The following CTAGE1 variants were observed in gnomAD, a reference collection of about 807,000 sequenced individuals.
CTAGE1 encodes the protein cutaneous T cell lymphoma-associated antigen 1, also known as cTAGE family member 2.
For missense variants in CTAGE1, 963 were observed against 855.9 expected (o/e 1.13, Z -1.56); for synonymous variants, 332 against 302.8 (o/e 1.10, Z -1.00).
Position 22,417,040 on chromosome 18 carries a change from C to G in CTAGE1, c.772G>C (p.Asp258His), listed in dbSNP as rs2143794188. The change falls in exon 1 of 1, where the codon GAT (aspartate) becomes CAT (histidine). Residue 258 changes from aspartate to histidine, a missense_variant. Asp to His is a moderately conservative substitution (Grantham distance 81). Transcript: ENST00000391403. ...TTCATTTCTAATTCCAAGTTATCATCATCCGTTACATCTTCTTCAAGCATA... is the reference window on the plus strand; with the variant it reads ...TTCATTTCTAATTCCAAGTTATCATGATCCGTTACATCTTCTTCAAGCATA... ...VAMLEEDVTD[D>H]DNLELEMNSE... 6.2e-7 allele frequency: 1 copy of G among 1,613,958 alleles called. No homozygotes were observed. Among genetic ancestry groups the G allele is most frequent in the Admixed American group, 1.7e-5 (1 of 60,014 alleles).
In CTAGE1 at chr18:22,417,004, C is replaced by T. The variant is rs763362856; in HGVS notation, c.808G>A (p.Glu270Lys). 4 of 1,614,034 alleles carry T rather than the reference C, an allele frequency of 2.5e-6. No homozygotes were observed. In the South Asian group the frequency reaches 4.4e-5, roughly 18 times the overall value. Reference sequence around the variant, plus strand: ...GGATTATCTAAGTAAGCACCATCTTCCGATTCACTGTTCATTTCTAATTCC... The same window carrying T: ...GGATTATCTAAGTAAGCACCATCTTTCGATTCACTGTTCATTTCTAATTCC... Reference protein sequence around the residue: ...NLELEMNSESEDGAYLDNPPK... With the variant: ...NLELEMNSESKDGAYLDNPPK... Residue 270 changes from glutamate (E) to lysine (K), a missense_variant, in exon 1 of 1, where the codon GAA (glutamate) becomes AAA (lysine). Transcript: ENST00000391403.
In CTAGE1 at chr18:22,416,189, T is replaced by C; in HGVS notation, c.1623A>G (p.Lys541=). The C allele has an allele frequency of 1.2e-6, 2 of 1,613,962 alleles. No homozygotes were observed. Among genetic ancestry groups the C allele is most frequent in the Non-Finnish European group, 1.7e-6 (2 of 1,179,866 alleles). ...PGNPPDHQIT[K]ERGESSCDRL... is the part of the protein sequence containing the mutation. ...TATCACAGCTTGATTCTCCTCTTTCTTTGGTAATCTGATGGTCCGGAGGAT... is the reference window on the plus strand; with the variant it reads ...TATCACAGCTTGATTCTCCTCTTTCCTTGGTAATCTGATGGTCCGGAGGAT... Residue 541 remains lysine, a synonymous_variant, in exon 1 of 1, where the codon AAA becomes AAG. Transcript: ENST00000391403.
chr18:22,415,764 C>T lies in CTAGE1; in HGVS notation c.2048G>A (p.Arg683Lys). The T allele has an allele frequency of 1.9e-6, 3 of 1,613,928 alleles. No homozygotes were observed. In the South Asian group the frequency reaches 3.3e-5, roughly 18 times the overall value. The change falls in exon 1 of 1, where the codon AGA becomes AAA. Residue 683 changes from arginine to lysine, a missense_variant. Transcript: ENST00000391403. The stretch of plus-strand genomic sequence containing the variant: ...AGGTGGGGGGAAAGGAGGTCCTCTT[C>T]TTATGAACGGGCCCCTTGTATCTAC... The part of the protein sequence containing the change: ...FPVDTRGPFI[R>K]RGPPFPPPPP...
rs1217066599 is a variant in CTAGE1, at chr18:22,413,816, C to A, written c.*1758G>T. 1 of 152,088 alleles carries A rather than the reference C, an allele frequency of 6.6e-6. No homozygotes were observed. Among genetic ancestry groups the A allele is most frequent in the East Asian group, 1.9e-4 (1 of 5,186 alleles). 9.4% of individuals were successfully genotyped at this position (152,088 alleles called of 1,614,324 possible). ...AAGTAGACACAAAGAGATGACAATA[C>A]CTGTTTCATACTGAACCTAATGAAA... On this transcript the variant is annotated 3_prime_UTR_variant, in exon 1 of 1. Transcript: ENST00000391403.
rs1429007980 is a variant in CTAGE1, at chr18:22,417,295, G to GT, written c.516dup (p.Arg173ThrfsTer15). On this transcript the variant is annotated frameshift_variant, in exon 1 of 1. Coordinates refer to ENST00000391403, the MANE Select transcript of CTAGE1 (RefSeq NM_172241.3). LOFTEE classifies it low-confidence loss of function (END_TRUNC). ...GCATCTTGTATTTCTATCTCCAACC[G>GT]TTCTTCATTCGCTTGAAATCTCTTG... 1 of 1,613,702 alleles carries GT rather than the reference G, an allele frequency of 6.2e-7. No homozygotes were observed. Among genetic ancestry groups the GT allele is most frequent in the Non-Finnish European group, 8.5e-7 (1 of 1,179,852 alleles).
In CTAGE1 at chr18:22,415,821, G is replaced by A; in HGVS notation, c.1991C>T (p.Pro664Leu). The A allele has an allele frequency of 1.2e-6, 2 of 1,613,990 alleles. No homozygotes were observed. The highest frequency in any genetic ancestry group is 1.7e-6 in the Non-Finnish European group (2 of 1,179,872). The part of the protein sequence containing the change: ...EATGPGFVPP[P>L]LAPIRGLLFP... ...CAATAAACCTCTGATTGGAGCAAGA[G>A]GTGGAGGAACAAAGCCAGGGCCAGT... Residue 664 changes from proline to leucine, a missense_variant, in exon 1 of 1, where the codon CCT becomes CTT. Coordinates refer to ENST00000391403, the MANE Select transcript of CTAGE1 (RefSeq NM_172241.3).
Position 22,417,851 on chromosome 18 carries a change from C to T in CTAGE1, c.-40G>A. ...CTGCCACAACCCTGCGTAGCAACTC[C>T]AGGACCAGCCCCAGGTATGGCTGAG... On this transcript the variant is annotated 5_prime_UTR_variant, in exon 1 of 1. Coordinates refer to ENST00000391403, the MANE Select transcript of CTAGE1 (RefSeq NM_172241.3). 6.3e-7 allele frequency: 1 copy of T among 1,599,920 alleles called. No homozygotes were observed. The highest frequency in any genetic ancestry group is 8.6e-7 in the Non-Finnish European group (1 of 1,167,310).
In CTAGE1 at chr18:22,416,880, G is replaced by A; in HGVS notation, c.932C>T (p.Ser311Phe). 1.2e-6 allele frequency: 2 copies of A among 1,613,550 alleles called. No homozygotes were observed. The highest frequency in any genetic ancestry group is 8.5e-7 in the Non-Finnish European group (1 of 1,179,682). The change falls in exon 1 of 1, where the codon TCT becomes TTT. Residue 311 changes from serine (S) to phenylalanine (F), a missense_variant. Ser to Phe is a radical substitution (Grantham distance 155). Coordinates refer to ENST00000391403, the MANE Select transcript of CTAGE1 (RefSeq NM_172241.3). ...GERNQIYIQL[S>F]EVDKTKEELT... ...CTCTTCCTTTGTTTTATCAACTTCA[G>A]ATAATTGAATATAAATTTGGTTTCT...
At position 22,416,031 on chromosome 18, in the gene CTAGE1, T is replaced by C. The variant is rs1488136752; in HGVS notation, c.1781A>G (p.Asp594Gly). ...TCTAGCACAATTAGAATAAAATCTG[T>C]CTTGCCTTTGTGGAGGGAGAGCTGA... The part of the protein sequence containing the change: ...PDSALPPQRQ[D>G]RFYSNCARLS... Residue 594 changes from aspartate (D) to glycine (G), a missense_variant, in exon 1 of 1, where the codon GAC (aspartate) becomes GGC (glycine). Transcript: ENST00000391403. 12 of 1,613,956 alleles carry C rather than the reference T, an allele frequency of 7.4e-6. No homozygotes were observed. The South Asian group carries it at 8.8e-5, about 12-fold the overall frequency.
At position 22,414,836 on chromosome 18, in the gene CTAGE1, A is replaced by C. The variant is rs1378399755; in HGVS notation, c.*738T>G. 1.4e-6 allele frequency: 1 copy of C among 700,964 alleles called. No individual in the cohort carries two copies. The highest frequency in any genetic ancestry group is 2.0e-5 in the Admixed American group (1 of 49,862). 43.4% of individuals were successfully genotyped at this position (700,964 alleles called of 1,614,324 possible). On this transcript the variant is annotated 3_prime_UTR_variant, in exon 1 of 1. Transcript: ENST00000391403. The stretch of plus-strand genomic sequence containing the variant: ...AAAGAAATAACAACACAATTATGTA[A>C]TGATATGATGACAAACATAGGAAGA...
rs768218761 is a variant in CTAGE1, at chr18:22,415,570, A to G, written c.*4T>C. 2.5e-6 allele frequency: 4 copies of G among 1,584,810 alleles called. No homozygotes were observed. In the South Asian group the frequency reaches 4.6e-5, roughly 18 times the overall value. ...CTCAACCCTGATGGAAACTCATTCTACCTTCAGAATGTGGGGGCTGGGGGG... is the reference window on the plus strand; with the variant it reads ...CTCAACCCTGATGGAAACTCATTCTGCCTTCAGAATGTGGGGGCTGGGGGG... On this transcript the variant is annotated 3_prime_UTR_variant, in exon 1 of 1. Transcript: ENST00000391403.
chr18:22,417,373 C>A lies in CTAGE1; in HGVS notation c.439G>T (p.Glu147Ter). The change falls in exon 1 of 1, where the codon GAA becomes TAA. Residue 147 changes from glutamate to a stop codon, truncating the protein, a stop_gained. Transcript: ENST00000391403. LOFTEE classifies it low-confidence loss of function (END_TRUNC). ...ADISKRIQSL[E>*]DESKSLKSQV... ...GATTTGAGGGATTTTGACTCATCTT[C>A]TAGCGACTGTATCCTTTTGGAAATA... 2 of 1,614,002 alleles carry A rather than the reference C, an allele frequency of 1.2e-6. No individual in the cohort carries two copies. Among genetic ancestry groups the A allele is most frequent in the Non-Finnish European group, 1.7e-6 (2 of 1,179,864 alleles).
chr18:22,416,119 C>A lies in CTAGE1; in HGVS notation c.1693G>T (p.Ala565Ser), dbSNP rs1438572795. The A allele has an allele frequency of 2.5e-6, 4 of 1,613,836 alleles. No homozygotes were observed. Among genetic ancestry groups the A allele is most frequent in the Non-Finnish European group, 3.4e-6 (4 of 1,179,880 alleles). ...HRAPSDAGPL[A>S]PPWEQDYRMM... ...CTATAGTCCTGTTCCCACGGAGGTG[C>A]CAGGGGCCCAGCGTCAGAAGGAGCC... is the stretch of plus-strand genomic sequence containing the variant. The change falls in exon 1 of 1, where the codon GCA becomes TCA. Residue 565 changes from alanine to serine, a missense_variant. Physicochemically the swap from Ala to Ser is moderately conservative, Grantham distance 99 (BLOSUM62 1). Transcript: ENST00000391403.
Position 22,416,584 on chromosome 18 carries a change from C to A in CTAGE1, c.1228G>T (p.Glu410Ter). ...TAAAAATGAATAGTTTTCTCAAATT[C>A]TTTAAGATCTTTGGCTCGCTTTCGG... ...TYRKRAKDLK[E>*]FEKTIHFYQK... The change falls in exon 1 of 1, where the codon GAA becomes TAA. Residue 410 changes from glutamate (E) to a stop codon, truncating the protein, a stop_gained. Coordinates refer to ENST00000391403, the MANE Select transcript of CTAGE1 (RefSeq NM_172241.3). LOFTEE classifies it low-confidence loss of function (END_TRUNC). 6.2e-7 allele frequency: 1 copy of A among 1,610,092 alleles called. No individual in the cohort carries two copies. The highest frequency in any genetic ancestry group is 8.5e-7 in the Non-Finnish European group (1 of 1,179,262).
chr18:22,416,463 T>G lies in CTAGE1; in HGVS notation c.1349A>C (p.Asn450Thr). 3 of 1,614,022 alleles carry G rather than the reference T, an allele frequency of 1.9e-6. No homozygotes were observed. Among genetic ancestry groups the G allele is most frequent in the Non-Finnish European group, 2.5e-6 (3 of 1,179,962 alleles). Residue 450 changes from asparagine to threonine, a missense_variant, in exon 1 of 1, where the codon AAT becomes ACT. By Grantham distance (65) the Asn-to-Thr change is moderately conservative. Transcript: ENST00000391403. ...AGTTAATTTTTGTCTGTTGTGAGCATTTTCTTTCCTTAAATCATTGAGGTT... is the reference window on the plus strand; with the variant it reads ...AGTTAATTTTTGTCTGTTGTGAGCAGTTTCTTTCCTTAAATCATTGAGGTT... ...ERNLNDLRKENAHNRQKLTEI... is the reference protein window; with the variant it reads ...ERNLNDLRKETAHNRQKLTEI...
rs755293526 is a variant in CTAGE1 at position 22,417,855 on chromosome 18, A to G, written c.-44T>C. On this transcript the variant is annotated 5_prime_UTR_variant, in exon 1 of 1. Coordinates refer to ENST00000391403, the MANE Select transcript of CTAGE1 (RefSeq NM_172241.3). ...CACAACCCTGCGTAGCAACTCCAGGACCAGCCCCAGGTATGGCTGAGGGTT... is the reference window on the plus strand; with the variant it reads ...CACAACCCTGCGTAGCAACTCCAGGGCCAGCCCCAGGTATGGCTGAGGGTT... 4 of 1,598,742 alleles carry G rather than the reference A, an allele frequency of 2.5e-6. No individual in the cohort carries two copies. Among genetic ancestry groups the G allele is most frequent in the Non-Finnish European group, 2.6e-6 (3 of 1,166,440 alleles).
chr18:22,417,585 T>C lies in CTAGE1; in HGVS notation c.227A>G (p.Tyr76Cys), dbSNP rs752663928. 6 of 1,614,038 alleles carry C rather than the reference T, an allele frequency of 3.7e-6. No individual in the cohort carries two copies. Among genetic ancestry groups the C allele is most frequent in the Non-Finnish European group, 4.2e-6 (5 of 1,179,872 alleles). The change falls in exon 1 of 1, where the codon TAT (tyrosine) becomes TGT (cysteine). Residue 76 changes from tyrosine to cysteine, a missense_variant. Tyr to Cys is a radical substitution (Grantham distance 194). Transcript: ENST00000391403. The part of the protein sequence containing the change: ...FSLVQKEYEG[Y>C]EVESSLKNAS... ...ATTCTTTAAAGATGACTCTACTTCA[T>C]AGCCTTCATACTCTTTTTGAACAAG... is the stretch of plus-strand genomic sequence containing the variant.
rs776967162 is a variant in CTAGE1 at position 22,415,883 on chromosome 18, C to G, written c.1929G>C (p.Lys643Asn). Reference protein sequence around the residue: ...NDTKDNLGNLKVPDSSLPAEN... With the variant: ...NDTKDNLGNLNVPDSSLPAEN... ...CAGCGGGGAGAGATGAATCAGGCAC[C>G]TTTAAATTACCAAGATTATCTTTGG... The change falls in exon 1 of 1, where the codon AAG (lysine) becomes AAC (asparagine). Residue 643 changes from lysine to asparagine, a missense_variant. Coordinates refer to ENST00000391403, the MANE Select transcript of CTAGE1 (RefSeq NM_172241.3). 20 of 1,613,862 alleles carry G rather than the reference C, an allele frequency of 1.2e-5. No homozygotes were observed. Among genetic ancestry groups the G allele is most frequent in the Non-Finnish European group, 1.4e-5 (17 of 1,179,838 alleles).
Position 22,415,827 on chromosome 18 carries a change from G to C in CTAGE1, c.1985C>G (p.Pro662Arg), listed in dbSNP as rs987044949. The change falls in exon 1 of 1, where the codon CCT becomes CGT. Residue 662 changes from proline (P) to arginine (R), a missense_variant. Transcript: ENST00000391403. ...ACCTCTGATTGGAGCAAGAGGTGGAGGAACAAAGCCAGGGCCAGTTGCTTC... is the reference window on the plus strand; with the variant it reads ...ACCTCTGATTGGAGCAAGAGGTGGACGAACAAAGCCAGGGCCAGTTGCTTC... Reference protein sequence around the residue: ...ENEATGPGFVPPPLAPIRGLL... With the variant: ...ENEATGPGFVRPPLAPIRGLL... The C allele has an allele frequency of 6.2e-6, 10 of 1,613,942 alleles. No homozygotes were observed. Among genetic ancestry groups the C allele is most frequent in the Non-Finnish European group, 7.6e-6 (9 of 1,179,866 alleles).
Sources: gnomAD v4.1 joint callset for allele counts on GRCh38, gnomAD v4.1.1 for gene constraint, MANE v1.5 for transcripts, NCBI Gene and HGNC (gene_info 2026-07-23, HGNC 2026-07-21) for gene names.